MACROD2: variants seen among roughly 807,000 people sequenced by gnomAD.
The protein encoded by MACROD2 is ADP-ribose glycohydrolase MACROD2.
Under a neutral mutation model 70.4 loss-of-function variants are expected in MACROD2, and 36 were observed. That is an observed-to-expected ratio of 0.51 (90% CI 0.39 to 0.68). The LOEUF (loss-of-function observed/expected upper bound fraction) is 0.68, where lower values mean the gene tolerates loss of function less well. Among genes scored for constraint, MACROD2 ranks in the 30% least tolerant of loss-of-function variants. The pLI is 0.00. For missense variants in MACROD2, 496 were observed against 538.4 expected (o/e 0.92, Z 0.78); for synonymous variants, 172 against 178.8 (o/e 0.96, Z 0.30).
intron 4 of MACROD2, among the ~76,000 whole-genome samples, chr20:14,665,656 T>C (rs1445635820): frequency 2.0e-5 from 3 of 152,124 alleles, no homozygotes; most frequent in African/African-American, 7.2e-5. Context: ...TTCAATCATA[T>C]TGGAATAATT....
intron 8 of MACROD2, among the ~76,000 whole-genome samples, chr20:15,761,977 A>T (rs1039848197): frequency 6.6e-6 from 1 of 152,196 alleles, no homozygotes; most frequent in Admixed American, 6.5e-5. Context: ...GCCCAAGGAC[A>T]TGCAGCCCAT....
intron 3 of MACROD2, among the ~76,000 whole-genome samples, chr20:14,242,931 G>A (rs964276135): frequency 3.3e-5 from 5 of 152,006 alleles, no homozygotes; most frequent in East Asian, 1.9e-4. Flanking sequence ...ATACTATCAC[G>A]TAAAAGTAAC....
At chr20:15,054,081 G>A (rs1041838356) in intron 5 of MACROD2, among the ~76,000 whole-genome samples, 1 of 152,186 alleles carries the variant, frequency 6.6e-6, no homozygotes, top group Non-Finnish European at 1.5e-5. Context: ...TGAGGGAATT[G>A]CTTCTTACGG....
chr20:14,158,544 G>C (rs1415245658), intron 3 of MACROD2, among the ~76,000 whole-genome samples: 1 of 152,046 alleles, frequency 6.6e-6, no homozygotes, highest in Non-Finnish European at 1.5e-5. Context: ...TTTTCTTCTA[G>C]TAATTTTATA....
intron 5 of MACROD2, among the ~76,000 whole-genome samples, chr20:14,789,024 C>T (rs921339871): frequency 6.6e-6 from 1 of 151,840 alleles, no homozygotes; most frequent in African/African-American, 2.4e-5. Context: ...CTGCCTCGGC[C>T]TCCCAAAGTT....
At chr20:14,242,700 ACTG>A (rs566075512) in intron 3 of MACROD2, among the ~76,000 whole-genome samples, 65 of 152,304 alleles carry the variant, frequency 4.3e-4, no homozygotes, top group African/African-American at 1.4e-3. Flanking sequence ...ATTCTCATGT[ACTG>A]CTAACTTAAA....
chr20:14,705,012 C>T lies in MACROD2; in HGVS notation c.418+20053C>T, dbSNP rs142092095. Among the ~76,000 whole-genome samples the T allele has an allele frequency of 5.5e-3, 835 of 151,880 alleles. 7 individuals are homozygous for T. Among genetic ancestry groups the T allele is most frequent in the Admixed American group, 7.5e-3 (114 of 15,268 alleles). On this transcript the variant is annotated intron_variant, in intron 5 of 17. Transcript: ENST00000684519. ...TAGTTAAGGCCTATAATATGAGACACATTCAGATAGTAAAATGATTACTAT... is the reference window on the plus strand; with the variant it reads ...TAGTTAAGGCCTATAATATGAGACATATTCAGATAGTAAAATGATTACTAT...
At chr20:14,940,657 A>AT (rs113977665) in intron 5 of MACROD2, among the ~76,000 whole-genome samples, 38,009 of 151,876 alleles carry the variant, frequency 0.25, 4,842 homozygotes, top group Non-Finnish European at 0.28. Flanking sequence ...CAAAATGATC[A>AT]TTTTTTTCCC....
At chr20:15,541,304 T>A (rs1253745119) in intron 8 of MACROD2, among the ~76,000 whole-genome samples, 1 of 152,188 alleles carries the variant, frequency 6.6e-6, no homozygotes, top group Non-Finnish European at 1.5e-5. Flanking sequence ...TTTGTCTTTT[T>A]TGAATTTAAA....
chr20:15,852,743 G>T (rs2064313977), intron 8 of MACROD2, among the ~76,000 whole-genome samples: 1 of 152,200 alleles, frequency 6.6e-6, no homozygotes, highest in Admixed American at 6.5e-5. Context: ...GACAAAAACA[G>T]AGCTGCTTAT....
chr20:14,110,298 C>G (rs373180312), intron 3 of MACROD2, among the ~76,000 whole-genome samples: 1 of 151,684 alleles, frequency 6.6e-6, no homozygotes, highest in African/African-American at 2.4e-5. Flanking sequence ...AAACTGAAAG[C>G]TTTTTTTTAA....
At chr20:15,713,252 C>T (rs187433732) in intron 8 of MACROD2, among the ~76,000 whole-genome samples, 104 of 152,224 alleles carry the variant, frequency 6.8e-4, no homozygotes, top group African/African-American at 2.3e-3. Flanking sequence ...TTAAAAAAGA[C>T]CATTGCTATA....
At chr20:14,986,001 C>T (rs2074845481) in intron 5 of MACROD2, among the ~76,000 whole-genome samples, 1 of 152,060 alleles carries the variant, frequency 6.6e-6, no homozygotes. Flanking sequence ...GGTCACACCC[C>T]ATGGCCTTTG....
At chr20:15,067,639 C>T (rs1315245937) in intron 5 of MACROD2, among the ~76,000 whole-genome samples, 2 of 152,106 alleles carry the variant, frequency 1.3e-5, no homozygotes, top group African/African-American at 4.8e-5. Context: ...TGTGAGCCAC[C>T]ATGCCCAGCC....
chr20:14,072,934 GA>G (rs201463181), intron 2 of MACROD2, among the ~76,000 whole-genome samples: 296 of 117,946 alleles, frequency 2.5e-3, no homozygotes, highest in East Asian at 9.5e-3. Context: ...ACTCCGTCTA[GA>G]AAAAAAAAAA....
At chr20:14,174,815 A>C (rs2148726691) in intron 3 of MACROD2, among the ~76,000 whole-genome samples, 1 of 152,306 alleles carries the variant, frequency 6.6e-6, no homozygotes, top group South Asian at 2.1e-4. Context: ...ACAAAGTCAG[A>C]AATGGCTTCC....
intron 5 of MACROD2, among the ~76,000 whole-genome samples, chr20:14,966,159 C>T (rs560984174): frequency 6.6e-6 from 1 of 152,218 alleles, no homozygotes; most frequent in Admixed American, 6.5e-5. Context: ...AAGCCACTGT[C>T]AATGGAATTA....
At chr20:14,358,619 G>A (rs1246482375) in intron 3 of MACROD2, among the ~76,000 whole-genome samples, 1 of 151,936 alleles carries the variant, frequency 6.6e-6, no homozygotes, top group Non-Finnish European at 1.5e-5. Flanking sequence ...ACCACGTCTG[G>A]CTAATTTTTT....
At chr20:15,018,635 G>A (rs1008994468) in intron 5 of MACROD2, among the ~76,000 whole-genome samples, 8 of 152,038 alleles carry the variant, frequency 5.3e-5, no homozygotes, top group Non-Finnish European at 1.0e-4. Context: ...AGAGCTCTAA[G>A]CACAGGTTTA....
Sources: allele counts gnomAD v4.1 joint callset (sites outside exome capture counted in the v4.1 genomes callset), GRCh38; gene constraint gnomAD v4.1.1; transcripts MANE v1.5; gene names NCBI Gene and HGNC (gene_info 2026-07-23, HGNC 2026-07-21).